Variants in L3MBTL4 observed in about 807,000 individuals in gnomAD.
L3MBTL4 encodes lethal(3)malignant brain tumor-like protein 4.
Under a neutral mutation model 84.5 loss-of-function variants are expected in L3MBTL4, and 70 were observed. The ratio of observed to expected loss-of-function variants is 0.83; its 90% confidence interval spans 0.68 to 1.01. The LOEUF (loss-of-function observed/expected upper bound fraction) is 1.01. Among genes scored for constraint, L3MBTL4 ranks in the 50% least tolerant of loss-of-function variants. The pLI is 0.00. For missense variants in L3MBTL4, 715 were observed against 754.8 expected, an observed-to-expected ratio of 0.95 and a Z score of 0.62; for synonymous variants, 274 against 259.8, an observed-to-expected ratio of 1.05 and a Z score of -0.52.
intron 14 of L3MBTL4, among the ~76,000 whole-genome samples, chr18:6,129,296 T>C (rs1041557108): frequency 5.3e-5 from 8 of 152,112 alleles, no homozygotes; most frequent in Non-Finnish European, 1.0e-4. Flanking sequence ...TATTGCTTTA[T>C]TGTTGTAGTA....
chr18:6,385,001 G>GA (rs1568586487), intron 1 of L3MBTL4, among the ~76,000 whole-genome samples: 1 of 151,860 alleles, frequency 6.6e-6, no homozygotes, highest in African/African-American at 2.4e-5. Context: ...AGAGAAGGAA[G>GA]AAAAAAAGAG....
In L3MBTL4 at chr18:6,244,576, G is replaced by A; in HGVS notation, c.232C>T (p.Pro78Ser). 1.9e-6 allele frequency: 3 copies of A among 1,611,064 alleles called. No homozygotes were observed. The highest frequency in any genetic ancestry group is 1.7e-5 in the Admixed American group (1 of 59,992). ...ATCTGAAAACCATTTTCATGCTCTG[G>A]AAAGGACTGATCCTACAAAATTTCA... The part of the protein sequence containing the change: ...VELFSKDQSF[P>S]EHENGFQIGM... The change falls in exon 6 of 19, where the codon CCA (proline) becomes TCA (serine). Residue 78 changes from proline to serine, a missense_variant. Pro to Ser is a moderately conservative substitution (Grantham distance 74). Transcript: ENST00000317931.
intron 1 of L3MBTL4, among the ~76,000 whole-genome samples, chr18:6,382,758 C>T (rs567031465): frequency 1.3e-5 from 2 of 151,956 alleles, no homozygotes; most frequent in South Asian, 2.1e-4. Flanking sequence ...GGTCCCTACT[C>T]GGAGATGTCT....
intron 13 of L3MBTL4, among the ~76,000 whole-genome samples, chr18:6,153,750 G>T (rs1353597205): frequency 6.6e-6 from 1 of 152,142 alleles, no homozygotes; most frequent in African/African-American, 2.4e-5. Flanking sequence ...GTTCTCATGA[G>T]ATCTGGTGGT....
In L3MBTL4 at chr18:5,983,034, T is replaced by C. The variant is rs1567947321; in HGVS notation, c.1445-13472A>G. Among the ~76,000 whole-genome samples the C allele has an allele frequency of 2.6e-5, 4 of 152,198 alleles. No individual in the cohort carries two copies. In the South Asian group the frequency reaches 8.3e-4, roughly 31 times the overall value. ...ATGACAATTTCCTTAAGTCTTTTAC[T>C]CCTACCATGGACAGTAATATGAAAA... On this transcript the variant is annotated intron_variant, in intron 16 of 18. Coordinates refer to ENST00000317931, the MANE Select transcript of L3MBTL4 (RefSeq NM_001330559.2).
chr18:6,020,056 C>T (rs2055180055), intron 16 of L3MBTL4, among the ~76,000 whole-genome samples: 1 of 152,104 alleles, frequency 6.6e-6, no homozygotes, highest in South Asian at 2.1e-4. Flanking sequence ...ACACATGCTC[C>T]CTGCCCTCAT....
intron 16 of L3MBTL4, chr18:6,031,177 C>A: frequency 3.0e-6 from 3 of 985,420 alleles, no homozygotes; most frequent in Non-Finnish European, 3.6e-6. Context: ...TCTCCCTCCT[C>A]CCCCGTGGGA....
intron 14 of L3MBTL4, among the ~76,000 whole-genome samples, chr18:6,101,437 A>C (rs577980216): frequency 1.3e-5 from 2 of 152,274 alleles, no homozygotes; most frequent in African/African-American, 4.8e-5. Context: ...GATCCTTTTA[A>C]TGTTAAGGAT....
rs561751690 is a variant in L3MBTL4, at chr18:6,113,107, A to T, written c.1200-19579T>A. On this transcript the variant is annotated intron_variant, in intron 14 of 18. Coordinates refer to ENST00000317931, the MANE Select transcript of L3MBTL4 (RefSeq NM_001330559.2). ...TTAATCCAATTTGTTTGTATACTGC[A>T]TCTTTCACTCAGTGTTTCCCAAAAA... Among the ~76,000 whole-genome samples the T allele has an allele frequency of 3.9e-5, 6 of 152,298 alleles. No individual in the cohort carries two copies. In the South Asian group the frequency reaches 1.0e-3, roughly 26 times the overall value.
At chr18:6,235,562 T>C (rs1469687251) in intron 10 of L3MBTL4, among the ~76,000 whole-genome samples, 1 of 152,186 alleles carries the variant, frequency 6.6e-6, no homozygotes, top group Non-Finnish European at 1.5e-5. Flanking sequence ...CGATGTCAAG[T>C]GAAAGAAGCT....
intron 16 of L3MBTL4, among the ~76,000 whole-genome samples, chr18:6,034,338 T>C (rs145286899): frequency 0.016 from 2,399 of 151,160 alleles, 76 homozygotes; most frequent in African/African-American, 0.055. Flanking sequence ...TGAAGTTCCC[T>C]TTCCTGTGTC....
chr18:5,987,817 G>T (rs1417734498), intron 16 of L3MBTL4, among the ~76,000 whole-genome samples: 1 of 151,832 alleles, frequency 6.6e-6, no homozygotes, highest in Non-Finnish European at 1.5e-5. Context: ...AATCTATTAT[G>T]CCAATATTTT....
intron 14 of L3MBTL4, among the ~76,000 whole-genome samples, chr18:6,124,018 G>A (rs2059609255): frequency 6.6e-6 from 1 of 152,190 alleles, no homozygotes; most frequent in African/African-American, 2.4e-5. Context: ...GCTGGTAAAT[G>A]GTGATGAAGA....
intron 16 of L3MBTL4, among the ~76,000 whole-genome samples, chr18:6,078,987 A>C (rs917862488): frequency 1.3e-5 from 2 of 152,150 alleles, no homozygotes; most frequent in African/African-American, 4.8e-5. Flanking sequence ...TGCTCCTATG[A>C]GGATCTAATG....
chr18:6,218,963 C>G (rs1342239683), intron 10 of L3MBTL4, among the ~76,000 whole-genome samples: 2 of 152,100 alleles, frequency 1.3e-5, no homozygotes, highest in Non-Finnish European at 2.9e-5. Flanking sequence ...GGAGACCGCC[C>G]CATGGAACAA....
chr18:6,085,649 G>A (rs549270765), intron 15 of L3MBTL4, among the ~76,000 whole-genome samples: 1 of 152,312 alleles, frequency 6.6e-6, no homozygotes, highest in East Asian at 1.9e-4. Context: ...ACCCTGTGAA[G>A]AAGGTGCCTT....
intron 13 of L3MBTL4, among the ~76,000 whole-genome samples, chr18:6,159,421 T>C (rs1466223591): frequency 6.6e-6 from 1 of 152,164 alleles, no homozygotes; most frequent in South Asian, 2.1e-4. Context: ...GGATGAGAGG[T>C]TTGGATCTGA....
chr18:6,225,059 G>C (rs750754085), intron 10 of L3MBTL4, among the ~76,000 whole-genome samples: 18 of 152,160 alleles, frequency 1.2e-4, no homozygotes, highest in African/African-American at 4.1e-4. Flanking sequence ...TGGAAAGTAG[G>C]GGGGAGCGTT....
At chr18:6,023,647 G>T (rs147340816) in intron 16 of L3MBTL4, among the ~76,000 whole-genome samples, 3,404 of 152,268 alleles carry the variant, frequency 0.022, 133 homozygotes, top group African/African-American at 0.079. Flanking sequence ...TACAACTATT[G>T]AAGTTGCCTG....
Sources: allele counts gnomAD v4.1 joint callset (sites outside exome capture counted in the v4.1 genomes callset), GRCh38; gene constraint gnomAD v4.1.1; transcripts MANE v1.5; gene names NCBI Gene and HGNC (gene_info 2026-07-23, HGNC 2026-07-21).